SORCS3: variants seen among roughly 807,000 people sequenced by gnomAD.
SORCS3 encodes VPS10 domain-containing receptor SorCS3.
SORCS3 carries 57 observed loss-of-function variants against 146.3 expected under a neutral mutation model. The observed-to-expected ratio is 0.39, with a 90% CI of 0.31 to 0.49. The LOEUF (loss-of-function observed/expected upper bound fraction) is 0.49, where lower values mean the gene tolerates loss of function less well. SORCS3 is among the 20% of genes least tolerant of loss of function. SORCS3 has a pLI of 0.92. For synonymous variants in SORCS3, 653 were observed against 618.5 expected (o/e 1.06, Z -0.83); for missense variants, 1,341 against 1,575.5 (o/e 0.85, Z 2.52).
chr10:105,035,021 CCTGCTCCCTATCATGAGGATATCA>C (rs1390782980), intron 4 of SORCS3, among the ~76,000 whole-genome samples: 6 of 152,166 alleles, frequency 3.9e-5, no homozygotes, highest in African/African-American at 1.4e-4. Context: ...AGCATTAGCA[CCTGCTCCCTATCATGAGGATATCA>C]CTGCTCCCTA....
At chr10:105,075,395 AC>A (rs1406038587) in intron 5 of SORCS3, among the ~76,000 whole-genome samples, 1 of 152,138 alleles carries the variant, frequency 6.6e-6, no homozygotes, top group Admixed American at 6.5e-5. Flanking sequence ...TCTGTGAAAT[AC>A]CAAGTGCTGG....
At chr10:105,114,659 C>A (rs938034944) in intron 7 of SORCS3, among the ~76,000 whole-genome samples, 2 of 152,134 alleles carry the variant, frequency 1.3e-5, no homozygotes, top group Non-Finnish European at 2.9e-5. Flanking sequence ...CACCCACAAC[C>A]ACTCATGCAA....
intron 13 of SORCS3, among the ~76,000 whole-genome samples, chr10:105,169,408 G>A (rs141028574): frequency 6.6e-6 from 1 of 152,212 alleles, no homozygotes; most frequent in East Asian, 1.9e-4. Flanking sequence ...GAAGCCTGGT[G>A]TGTAAGGAGC....
chr10:104,786,998 A>G (rs916615234), intron 1 of SORCS3, among the ~76,000 whole-genome samples: 4 of 152,210 alleles, frequency 2.6e-5, no homozygotes, highest in Non-Finnish European at 5.9e-5. Flanking sequence ...TGGCTAAGCT[A>G]GACTTGTAGC....
At chr10:104,655,509 T>C (rs555496577) in intron 1 of SORCS3, among the ~76,000 whole-genome samples, 2 of 152,208 alleles carry the variant, frequency 1.3e-5, no homozygotes, top group Non-Finnish European at 2.9e-5. Flanking sequence ...ATGTGGTATT[T>C]GGTTTCTTTT....
intron 1 of SORCS3, among the ~76,000 whole-genome samples, chr10:104,776,900 G>A (rs998918210): frequency 1.3e-5 from 2 of 149,154 alleles, no homozygotes; most frequent in African/African-American, 4.9e-5. Flanking sequence ...ACCTCACAAA[G>A]CCCCTCATAG....
At chr10:104,968,277 G>A (rs180891599) in intron 3 of SORCS3, among the ~76,000 whole-genome samples, 6 of 152,208 alleles carry the variant, frequency 3.9e-5, no homozygotes, top group Admixed American at 1.3e-4. Flanking sequence ...CACCACACCC[G>A]GCTAATTTTT....
At chr10:105,114,112 T>C (rs1292057633) in intron 7 of SORCS3, among the ~76,000 whole-genome samples, 3 of 152,150 alleles carry the variant, frequency 2.0e-5, no homozygotes, top group Admixed American at 6.5e-5. Flanking sequence ...GGGAATGTGA[T>C]GAAGAAACAA....
intron 3 of SORCS3, among the ~76,000 whole-genome samples, chr10:104,925,006 C>G (rs1022531416): frequency 5.9e-5 from 9 of 152,108 alleles, no homozygotes; most frequent in African/African-American, 2.2e-4. Context: ...CCTATCAACC[C>G]GTCATCTAGG....
intron 1 of SORCS3, among the ~76,000 whole-genome samples, chr10:104,816,022 C>G (rs2017793927): frequency 6.6e-6 from 1 of 152,274 alleles, no homozygotes; most frequent in South Asian, 2.1e-4. Flanking sequence ...AGGGATAGCA[C>G]TGTTATAAAT....
intron 1 of SORCS3, among the ~76,000 whole-genome samples, chr10:104,780,827 G>T (rs1033662636): frequency 6.6e-5 from 10 of 152,116 alleles, no homozygotes; most frequent in African/African-American, 2.4e-4. Context: ...TTCTTTCAGG[G>T]GACATGGAAG....
At chr10:105,127,042 G>A (rs190964639) in intron 7 of SORCS3, among the ~76,000 whole-genome samples, 2 of 152,080 alleles carry the variant, frequency 1.3e-5, no homozygotes, top group African/African-American at 4.8e-5. Context: ...ACCAGTACTC[G>A]CTGATTGACA....
chr10:104,782,782 C>T lies in SORCS3; in HGVS notation c.628-60010C>T, dbSNP rs191494263. ...TTTCTGAGCCCCAGTTTCTTCTGAC[C>T]GTGAAATGGATAAATTGGGTTTCAG... On this transcript the variant is annotated intron_variant, in intron 1 of 26. Coordinates refer to ENST00000369701, the MANE Select transcript of SORCS3 (RefSeq NM_014978.3). 5.0e-3 allele frequency among the ~76,000 whole-genome samples: 766 copies of T among 152,200 alleles called. 2 individuals are homozygous for T. The highest frequency in any genetic ancestry group is 8.1e-3 in the Non-Finnish European group (548 of 68,010).
At chr10:104,817,035 C>T (rs1213308308) in intron 1 of SORCS3, among the ~76,000 whole-genome samples, 1 of 152,178 alleles carries the variant, frequency 6.6e-6, no homozygotes, top group Non-Finnish European at 1.5e-5. Flanking sequence ...TGGGGCACCA[C>T]AGTGTCTGTT....
chr10:105,171,159 A>G (rs1294868566), intron 13 of SORCS3, among the ~76,000 whole-genome samples: 1 of 152,172 alleles, frequency 6.6e-6, no homozygotes, highest in Admixed American at 6.6e-5. Flanking sequence ...AATAATTGAA[A>G]AGCTGGGGAA....
chr10:104,939,988 T>A (rs1352770052), intron 3 of SORCS3, among the ~76,000 whole-genome samples: 1 of 151,558 alleles, frequency 6.6e-6, no homozygotes, highest in African/African-American at 2.4e-5. Flanking sequence ...AGAAATAATT[T>A]TGGGGTGAGT....
At chr10:104,873,861 G>A (rs992875108) in intron 2 of SORCS3, among the ~76,000 whole-genome samples, 1 of 152,132 alleles carries the variant, frequency 6.6e-6, no homozygotes, top group African/African-American at 2.4e-5. Flanking sequence ...GGGCCCTGTG[G>A]TATGTGTTGA....
intron 1 of SORCS3, among the ~76,000 whole-genome samples, chr10:104,646,210 G>C (rs2015494256): frequency 6.6e-6 from 1 of 152,200 alleles, no homozygotes; most frequent in Non-Finnish European, 1.5e-5. Context: ...TACAGGATGT[G>C]ATTTCCTTCT....
chr10:104,766,173 G>A (rs1417785859), intron 1 of SORCS3, among the ~76,000 whole-genome samples: 1 of 152,194 alleles, frequency 6.6e-6, no homozygotes, highest in Admixed American at 6.5e-5. Context: ...ACTAAGTCTG[G>A]GACAGACCCA....
Sources: allele counts gnomAD v4.1 joint callset (sites outside exome capture counted in the v4.1 genomes callset), GRCh38; gene constraint gnomAD v4.1.1; transcripts MANE v1.5; gene names NCBI Gene and HGNC (gene_info 2026-07-23, HGNC 2026-07-21).